The following RP2 variants were observed in gnomAD, a reference collection of about 807,000 sequenced individuals.
RP2 encodes the protein protein XRP2.
RP2 carries 3 observed loss-of-function variants against 20.3 expected under a neutral mutation model. That is an observed-to-expected ratio of 0.15 (90% CI 0.07 to 0.38). The LOEUF is 0.38. RP2 is among the 10% of genes least tolerant of loss of function. The pLI, the probability that RP2 is intolerant of heterozygous loss-of-function variation, is 1.00. For synonymous variants in RP2, 75 were observed against 94.8 expected (o/e 0.79, Z 1.22); for missense variants, 233 against 268.5 (o/e 0.87, Z 0.92).
At chrX:46,837,261 T>G in intron 1 of RP2, 59 bp downstream of exon 1, 1 of 1,083,815 alleles carries the variant, frequency 9.2e-7, no homozygotes, top group Non-Finnish European at 1.3e-6. Context: ...CCAGGTCCCT[T>G]ACGGCCCGGG....
intron 2 of RP2, among the ~76,000 whole-genome samples, chrX:46,854,788 C>T (rs1924926527): frequency 9.2e-6 from 1 of 108,555 alleles, no homozygotes; most frequent in African/African-American, 3.4e-5. Flanking sequence ...TTTTTTGTGA[C>T]GGGGTCTTGC....
chrX:46,863,349 T>C (rs1410363364), intron 3 of RP2, among the ~76,000 whole-genome samples: 2 of 112,446 alleles, frequency 1.8e-5, no homozygotes, highest in Admixed American at 9.5e-5. Flanking sequence ...AAATGTTAAC[T>C]TTTGGTGGGT....
chrX:46,850,776 C>G (rs1924846331), intron 1 of RP2, among the ~76,000 whole-genome samples: 1 of 111,881 alleles, frequency 8.9e-6, no homozygotes. Context: ...AAAATATTCT[C>G]AGCATCTCTC....
intron 1 of RP2, among the ~76,000 whole-genome samples, chrX:46,841,774 C>T (rs1556314946): frequency 8.9e-6 from 1 of 112,450 alleles, no homozygotes; most frequent in Admixed American, 9.4e-5. Context: ...AAAGAATTTG[C>T]CAGTAGGTTT....
intron 1 of RP2, among the ~76,000 whole-genome samples, chrX:46,844,894 T>C (rs1272305600): frequency 8.9e-6 from 1 of 112,418 alleles, no homozygotes; most frequent in Admixed American, 9.5e-5. Context: ...GATGGTTATC[T>C]CACTGTGGTT....
At chrX:46,847,779 C>T (rs5906283) in intron 1 of RP2, among the ~76,000 whole-genome samples, 23,299 of 81,480 alleles carry the variant, frequency 0.29, 4,594 homozygotes, top group African/African-American at 0.67. Context: ...TGTGTGTGTA[C>T]ATACACACAT....
chrX:46,858,474 A>AT (rs1467061059), intron 2 of RP2, among the ~76,000 whole-genome samples: 2,247 of 103,129 alleles, frequency 0.022, 54 homozygotes, highest in African/African-American at 0.072. Flanking sequence ...ATATGACTAC[A>AT]TTTTTTTTTT....
rs1157385335 is a variant in RP2 at position 46,843,169 on chromosome X, G to A, written c.102+5967G>A. ...ATTACAGGCGCCCGCCGCCACGCCC[G>A]GCTAATTTTTTGTATTTTTAGTAGA... On this transcript the variant is annotated intron_variant, in intron 1 of 4. Coordinates refer to ENST00000218340, the MANE Select transcript of RP2 (RefSeq NM_006915.3). 5.5e-5 allele frequency among the ~76,000 whole-genome samples: 6 copies of A among 109,887 alleles called. No individual in the cohort carries two copies. In the East Asian group the frequency reaches 1.4e-3, roughly 26 times the overall value.
intron 3 of RP2, among the ~76,000 whole-genome samples, chrX:46,864,507 C>T (rs1556321680): frequency 9.1e-6 from 1 of 109,300 alleles, no homozygotes; most frequent in Non-Finnish European, 1.9e-5. Flanking sequence ...GACTCCTGGG[C>T]TCAAGCGATC....
intron 3 of RP2, among the ~76,000 whole-genome samples, chrX:46,871,326 AT>A (rs1474916437): frequency 3.6e-5 from 4 of 111,633 alleles, no homozygotes; most frequent in African/African-American, 1.3e-4. Flanking sequence ...CCGGCCACTC[AT>A]TCTTTTATCT....
intron 3 of RP2, among the ~76,000 whole-genome samples, chrX:46,869,883 AC>A (rs1925259305): frequency 8.9e-6 from 1 of 111,826 alleles, no homozygotes. Flanking sequence ...TGCTGGGATT[AC>A]AGGCGTGAGC....
At chrX:46,873,044 C>T (rs1160260225) in intron 3 of RP2, among the ~76,000 whole-genome samples, 1 of 111,328 alleles carries the variant, frequency 9.0e-6, no homozygotes, top group East Asian at 2.8e-4. Context: ...TGGCCTGAAC[C>T]GTCACTTATT....
chrX:46,855,570 C>T (rs782302946), intron 2 of RP2, among the ~76,000 whole-genome samples: 185 of 110,447 alleles, frequency 1.7e-3, no homozygotes, highest in African/African-American at 5.8e-3. Flanking sequence ...CGGGTTTAAG[C>T]GATTCTCCTG....
At chrX:46,868,705 G>C (rs942106033) in intron 3 of RP2, among the ~76,000 whole-genome samples, 2 of 107,064 alleles carry the variant, frequency 1.9e-5, no homozygotes, top group Non-Finnish European at 3.9e-5. Context: ...AGAATCGCTT[G>C]AGCCCGGCAG....
intron 1 of RP2, among the ~76,000 whole-genome samples, chrX:46,841,662 A>G (rs1924624076): frequency 8.9e-6 from 1 of 112,149 alleles, no homozygotes; most frequent in Non-Finnish European, 1.9e-5. Context: ...TTCTTAAGTC[A>G]CTTAATTAGA....
chrX:46,838,655 C>T (rs1455791861), intron 1 of RP2, among the ~76,000 whole-genome samples: 2 of 112,267 alleles, frequency 1.8e-5, no homozygotes, highest in Admixed American at 9.5e-5. Flanking sequence ...TATGACTCAT[C>T]GTTTCACAAT....
intron 2 of RP2, among the ~76,000 whole-genome samples, chrX:46,855,758 C>T (rs1421803458): frequency 9.1e-6 from 1 of 109,447 alleles, no homozygotes; most frequent in Non-Finnish European, 1.9e-5. Flanking sequence ...AGAGCCACCA[C>T]GCTCGGCCGG....
At chrX:46,848,259 G>A (rs1050293013) in intron 1 of RP2, among the ~76,000 whole-genome samples, 4 of 109,723 alleles carry the variant, frequency 3.6e-5, no homozygotes, top group Non-Finnish European at 7.6e-5. Context: ...TTGTATTGCC[G>A]CTTAGTAAGA....
At chrX:46,841,623 G>T (rs1183584795) in intron 1 of RP2, among the ~76,000 whole-genome samples, 1 of 111,708 alleles carries the variant, frequency 9.0e-6, no homozygotes, top group African/African-American at 3.3e-5. Context: ...AAGCTGCATG[G>T]TTTTTTTCTA....
Sources: allele counts gnomAD v4.1 joint callset (sites outside exome capture counted in the v4.1 genomes callset), GRCh38; gene constraint gnomAD v4.1.1; transcripts MANE v1.5; gene names NCBI Gene and HGNC (gene_info 2026-07-23, HGNC 2026-07-21).